Variants in PRKG1 observed in about 807,000 individuals in gnomAD.
PRKG1 encodes cGMP-dependent protein kinase 1.
PRKG1 carries 35 observed loss-of-function variants against 88.1 expected under a neutral mutation model. The ratio of observed to expected loss-of-function variants is 0.40; its 90% CI spans 0.30 to 0.53. The LOEUF is 0.53. Ranked by LOEUF, PRKG1 falls within the 20% of genes least tolerant of loss-of-function variation. The pLI, the probability that PRKG1 is intolerant of heterozygous loss-of-function variation, is 0.59. For missense variants in PRKG1, 540 were observed against 839.8 expected (o/e 0.64, Z 4.41); for synonymous variants, 303 against 292.5 (o/e 1.04, Z -0.37).
intron 3 of PRKG1, among the ~76,000 whole-genome samples, chr10:51,529,693 T>C (rs975012557): frequency 2.3e-5 from 1 of 43,420 alleles, no homozygotes; most frequent in East Asian, 2.1e-3. Flanking sequence ...ACACACACGC[T>C]CCTCAGTCCT....
At chr10:51,202,401 C>T (rs1837934180) in intron 2 of PRKG1, among the ~76,000 whole-genome samples, 1 of 152,144 alleles carries the variant, frequency 6.6e-6, no homozygotes, top group African/African-American at 2.4e-5. Context: ...ACCATTCTAT[C>T]CTGCTATCCT....
intron 3 of PRKG1, among the ~76,000 whole-genome samples, chr10:51,558,500 C>T (rs1313177509): frequency 2.0e-5 from 3 of 151,922 alleles, no homozygotes; most frequent in Admixed American, 6.6e-5. Context: ...GTGTTCTTGC[C>T]GGGAAGACAT....
intron 3 of PRKG1, among the ~76,000 whole-genome samples, chr10:51,491,168 A>G (rs1223228636): frequency 6.6e-6 from 1 of 152,110 alleles, no homozygotes; most frequent in Non-Finnish European, 1.5e-5. Context: ...TCCTTGAATC[A>G]TCAACTTAAG....
intron 3 of PRKG1, among the ~76,000 whole-genome samples, chr10:51,511,508 A>G (rs937626043): frequency 4.6e-5 from 7 of 152,226 alleles, no homozygotes; most frequent in Admixed American, 2.6e-4. Context: ...AAATGATAAT[A>G]TGATACAAAT....
At chr10:52,012,464 G>A (rs1249048561) in intron 5 of PRKG1, among the ~76,000 whole-genome samples, 6 of 151,920 alleles carry the variant, frequency 3.9e-5, no homozygotes, top group Non-Finnish European at 7.4e-5. Context: ...GAATGGTCTC[G>A]ATCTCCTGAC....
chr10:51,361,564 A>G (rs1469403976), intron 2 of PRKG1, among the ~76,000 whole-genome samples: 1 of 151,884 alleles, frequency 6.6e-6, no homozygotes, highest in Admixed American at 6.6e-5. Flanking sequence ...GTCCATGGTG[A>G]AAAATTTAAG....
At chr10:51,767,540 T>C (rs973919732) in intron 3 of PRKG1, among the ~76,000 whole-genome samples, 1 of 152,342 alleles carries the variant, frequency 6.6e-6, no homozygotes. Flanking sequence ...GTTTCAACTC[T>C]GAATCAGAAG....
intron 9 of PRKG1, among the ~76,000 whole-genome samples, chr10:52,166,914 CACAT>C (rs202125019): frequency 2.2e-3 from 294 of 134,512 alleles, no homozygotes; most frequent in African/African-American, 7.4e-3. Context: ...CACACACACA[CACAT>C]ATATATAAGC....
intron 5 of PRKG1, among the ~76,000 whole-genome samples, chr10:51,970,083 C>G (rs1843673077): frequency 6.7e-6 from 1 of 149,202 alleles, no homozygotes; most frequent in African/African-American, 2.5e-5. Flanking sequence ...TCTTTAATTC[C>G]CTGAACCATT....
chr10:52,166,839 G>GTATATATATACGTATATATATGTATA (rs375678645), intron 9 of PRKG1, among the ~76,000 whole-genome samples: 2 of 90,494 alleles, frequency 2.2e-5, no homozygotes, highest in African/African-American at 4.7e-5. Context: ...GTATATATAT[G>GTATATATATACGTATATATATGTATA]TATATATATG....
intron 5 of PRKG1, among the ~76,000 whole-genome samples, chr10:52,001,557 A>G (rs12767032): frequency 6.6e-6 from 1 of 151,638 alleles, no homozygotes; most frequent in Non-Finnish European, 1.5e-5. Context: ...TAGATGAGGG[A>G]TTTTTTTTCC....
At chr10:51,517,120 A>G (rs1841610860) in intron 3 of PRKG1, among the ~76,000 whole-genome samples, 1 of 152,240 alleles carries the variant, frequency 6.6e-6, no homozygotes, top group Admixed American at 6.5e-5. Context: ...AGCATGCAAA[A>G]GAATGTAAGT....
chr10:51,627,006 A>G (rs898992971), intron 3 of PRKG1, among the ~76,000 whole-genome samples: 2 of 152,170 alleles, frequency 1.3e-5, no homozygotes, highest in African/African-American at 4.8e-5. Flanking sequence ...GAGAGACATA[A>G]TCTCTACCAC....
At chr10:51,902,292 T>G (rs1229819340) in intron 4 of PRKG1, among the ~76,000 whole-genome samples, 1 of 151,924 alleles carries the variant, frequency 6.6e-6, no homozygotes, top group Non-Finnish European at 1.5e-5. Context: ...AATTTTGTAT[T>G]TTTAGTAGAA....
intron 2 of PRKG1, among the ~76,000 whole-genome samples, chr10:51,301,762 A>T (rs1016527623): frequency 3.9e-5 from 6 of 152,248 alleles, no homozygotes; most frequent in Non-Finnish European, 8.8e-5. Context: ...GTTGTAATTG[A>T]TCCTGTCTCC....
At chr10:52,064,668 G>A (rs1341039388) in intron 7 of PRKG1, among the ~76,000 whole-genome samples, 1 of 152,182 alleles carries the variant, frequency 6.6e-6, no homozygotes, top group East Asian at 1.9e-4. Flanking sequence ...CCAGCCCCAG[G>A]AGCACAGGGA....
At chr10:51,110,424 G>A (rs535904884) in intron 1 of PRKG1, among the ~76,000 whole-genome samples, 251 of 152,186 alleles carry the variant, frequency 1.6e-3, no homozygotes, top group African/African-American at 5.7e-3. Flanking sequence ...GCTAGTGAAA[G>A]AATCCAGAAA....
chr10:51,484,622 A>C (rs1840475874), intron 3 of PRKG1, among the ~76,000 whole-genome samples: 1 of 152,090 alleles, frequency 6.6e-6, no homozygotes, highest in Admixed American at 6.6e-5. Flanking sequence ...ACTCTGTTTC[A>C]ATCAAAGTTT....
chr10:51,328,114 T>C (rs1043354418), intron 2 of PRKG1, among the ~76,000 whole-genome samples: 5 of 152,194 alleles, frequency 3.3e-5, no homozygotes, highest in African/African-American at 1.2e-4. Flanking sequence ...GACCAATATC[T>C]TCTCAACCGC....
Sources: gnomAD v4.1 joint callset for allele counts (sites outside exome capture counted in the v4.1 genomes callset) on GRCh38, gnomAD v4.1.1 for gene constraint, MANE v1.5 for transcripts, NCBI Gene and HGNC (gene_info 2026-07-23, HGNC 2026-07-21) for gene names.